NUBPL: variants seen among roughly 807,000 people sequenced by gnomAD.
NUBPL encodes NUBP iron-sulfur cluster assembly factor, mitochondrial.
A neutral mutation model predicts 45.7 loss-of-function variants in NUBPL; 31 were observed. The ratio of observed to expected loss-of-function variants is 0.68; its 90% CI spans 0.51 to 0.92. The LOEUF is 0.92. Among genes scored for constraint, NUBPL ranks in the 40% least tolerant of loss-of-function variants. The probability of loss-of-function intolerance (pLI) is 0.00; values close to 1 mark genes in which losing one functional copy is unlikely to be tolerated. For missense variants in NUBPL, 401 were observed against 398.7 expected, an observed-to-expected ratio of 1.01 and a Z score of -0.05; for synonymous variants, 144 against 140.9, an observed-to-expected ratio of 1.02 and a Z score of -0.15.
chr14:31,814,663 G>C (rs2138920453), intron 7 of NUBPL, among the ~76,000 whole-genome samples: 1 of 152,170 alleles, frequency 6.6e-6, no homozygotes, highest in East Asian at 1.9e-4. Flanking sequence ...GGTTTTCATG[G>C]TTTTAGGTCT....
At chr14:31,833,823 C>A (rs1040877532) in intron 8 of NUBPL, among the ~76,000 whole-genome samples, 1 of 152,184 alleles carries the variant, frequency 6.6e-6, no homozygotes, top group African/African-American at 2.4e-5. Flanking sequence ...AGATGTGATA[C>A]ACATACTTCT....
intron 3 of NUBPL, among the ~76,000 whole-genome samples, chr14:31,596,354 C>T (rs894437926): frequency 6.6e-5 from 10 of 152,286 alleles, no homozygotes; most frequent in African/African-American, 9.6e-5. Context: ...GCTCCTCTGA[C>T]GCTGAGATGA....
intron 8 of NUBPL, among the ~76,000 whole-genome samples, chr14:31,832,296 G>T (rs969318624): frequency 2.6e-5 from 4 of 152,162 alleles, no homozygotes; most frequent in African/African-American, 9.7e-5. Flanking sequence ...AGTGAAAGTG[G>T]AAGGGGAAAT....
At chr14:31,692,336 A>G (rs75229286) in intron 6 of NUBPL, among the ~76,000 whole-genome samples, 2,595 of 152,334 alleles carry the variant, frequency 0.017, 44 homozygotes, top group Non-Finnish European at 0.027. Flanking sequence ...CAAATGAGAA[A>G]AGTCTTTTCT....
chr14:31,719,800 C>G (rs1162576966), intron 6 of NUBPL, among the ~76,000 whole-genome samples: 2 of 152,150 alleles, frequency 1.3e-5, no homozygotes, highest in Non-Finnish European at 2.9e-5. Flanking sequence ...CATATTCTTT[C>G]AATTAAAAAT....
intron 4 of NUBPL, among the ~76,000 whole-genome samples, chr14:31,661,805 G>T (rs1406243399): frequency 6.6e-6 from 1 of 152,176 alleles, no homozygotes. Context: ...CTCTCAAAGT[G>T]CTGGGATTAC....
At chr14:31,821,889 T>C (rs1432881187) in intron 7 of NUBPL, among the ~76,000 whole-genome samples, 1 of 152,206 alleles carries the variant, frequency 6.6e-6, no homozygotes, top group Non-Finnish European at 1.5e-5. Flanking sequence ...TGCAACAACG[T>C]GGATGGAACT....
At chr14:31,668,196 T>A (rs1402827998) in intron 4 of NUBPL, among the ~76,000 whole-genome samples, 1 of 152,162 alleles carries the variant, frequency 6.6e-6, no homozygotes, top group Non-Finnish European at 1.5e-5. Context: ...CCCAGGGAGA[T>A]GGGGGTTTTA....
chr14:31,826,002 T>A (rs2040096853), intron 7 of NUBPL, among the ~76,000 whole-genome samples: 1 of 151,970 alleles, frequency 6.6e-6, no homozygotes, highest in Non-Finnish European at 1.5e-5. Flanking sequence ...GACTATTAAT[T>A]TGAAAGTAAA....
intron 10 of NUBPL, among the ~76,000 whole-genome samples, chr14:31,858,834 G>A (rs184492292): frequency 1.7e-4 from 26 of 152,268 alleles, no homozygotes; most frequent in African/African-American, 5.8e-4. Flanking sequence ...AGACTGGGTT[G>A]CTAGTTTGCT....
intron 4 of NUBPL, among the ~76,000 whole-genome samples, chr14:31,620,139 A>G (rs555531837): frequency 2.4e-4 from 36 of 151,916 alleles, no homozygotes; most frequent in Admixed American, 7.9e-4. Context: ...CCATCATGTC[A>G]TTTATGTTCT....
At chr14:31,704,525 T>C (rs1224282321) in intron 6 of NUBPL, among the ~76,000 whole-genome samples, 1 of 151,994 alleles carries the variant, frequency 6.6e-6, no homozygotes, top group Non-Finnish European at 1.5e-5. Context: ...TAGCCAGGCA[T>C]GGTGGTGCAT....
At chr14:31,595,905 A>ATTT (rs34594633) in intron 3 of NUBPL, among the ~76,000 whole-genome samples, 3 of 135,374 alleles carry the variant, frequency 2.2e-5, no homozygotes, top group African/African-American at 2.7e-5. Flanking sequence ...ATGGACACTG[A>ATTT]TTTTTTTTTT....
intron 7 of NUBPL, among the ~76,000 whole-genome samples, chr14:31,821,186 A>G (rs1405801538): frequency 6.6e-6 from 1 of 152,138 alleles, no homozygotes; most frequent in East Asian, 1.9e-4. Context: ...GCAAAAATGG[A>G]CAAATGGGAT....
chr14:31,610,480 C>T (rs996966762), intron 4 of NUBPL, among the ~76,000 whole-genome samples: 9 of 151,732 alleles, frequency 5.9e-5, no homozygotes, highest in African/African-American at 2.2e-4. Context: ...CTGAATTCTA[C>T]CAAATATTTA....
intron 4 of NUBPL, among the ~76,000 whole-genome samples, chr14:31,631,487 C>T (rs1445853223): frequency 2.0e-5 from 3 of 149,068 alleles, no homozygotes; most frequent in African/African-American, 7.3e-5. Context: ...CACACACCCC[C>T]ACCCCACCCC....
intron 6 of NUBPL, among the ~76,000 whole-genome samples, chr14:31,770,979 A>C (rs1335654825): frequency 6.6e-6 from 1 of 152,184 alleles, no homozygotes; most frequent in East Asian, 1.9e-4. Context: ...CAGTTTCAAA[A>C]ATATGTTCAA....
intron 4 of NUBPL, among the ~76,000 whole-genome samples, chr14:31,610,411 C>G (rs1393940356): frequency 1.3e-5 from 2 of 151,600 alleles, no homozygotes; most frequent in African/African-American, 4.8e-5. Context: ...GTAACAAGAT[C>G]AATGCTGTAA....
At chr14:31,661,934 C>G (rs1027987492) in intron 4 of NUBPL, 1 of 152,158 alleles carries the variant, frequency 6.6e-6, no homozygotes, top group Non-Finnish European at 1.5e-5. Context: ...TTTTAGTTGC[C>G]TCAATGCTGC....
Sources: gnomAD v4.1 joint callset for allele counts (sites outside exome capture counted in the v4.1 genomes callset) on GRCh38, gnomAD v4.1.1 for gene constraint, MANE v1.5 for transcripts, NCBI Gene and HGNC (gene_info 2026-07-23, HGNC 2026-07-21) for gene names.